GPC5: variants seen among roughly 807,000 people sequenced by gnomAD.
GPC5 encodes glypican-5.
In GPC5, 47 loss-of-function variants were observed where a neutral mutation model predicts 53.9. That is an observed-to-expected ratio of 0.87 (90% CI 0.69 to 1.11). The LOEUF (loss-of-function observed/expected upper bound fraction) is 1.11. Among genes scored for constraint, GPC5 ranks in the 50% most tolerant of loss-of-function variants. The pLI, the probability that GPC5 is intolerant of heterozygous loss-of-function variation, is 0.00. For missense variants in GPC5, 748 were observed against 713.1 expected (o/e 1.05, Z -0.56); for synonymous variants, 286 against 263.3 (o/e 1.09, Z -0.84).
intron 6 of GPC5, among the ~76,000 whole-genome samples, chr13:91,997,466 G>A (rs1269078612): frequency 6.6e-6 from 1 of 151,986 alleles, no homozygotes; most frequent in African/African-American, 2.4e-5. Context: ...TGTTAAATGT[G>A]GTACAGATAT....
At chr13:92,627,621 T>G (rs1444220561) in intron 7 of GPC5, among the ~76,000 whole-genome samples, 4 of 152,212 alleles carry the variant, frequency 2.6e-5, no homozygotes, top group Admixed American at 2.0e-4. Flanking sequence ...AAAACCTCCA[T>G]GAGCAGTCCA....
At chr13:92,267,223 A>G (rs1426857546) in intron 7 of GPC5, among the ~76,000 whole-genome samples, 1 of 151,730 alleles carries the variant, frequency 6.6e-6, no homozygotes, top group Non-Finnish European at 1.5e-5. Flanking sequence ...CTATTATTTT[A>G]CCTCCCTAGT....
intron 7 of GPC5, among the ~76,000 whole-genome samples, chr13:92,439,515 G>T (rs527928897): frequency 7.2e-4 from 110 of 152,156 alleles, no homozygotes; most frequent in Non-Finnish European, 1.4e-3. Flanking sequence ...AAGAGTTGGA[G>T]GAACATTCCA....
At chr13:91,798,404 A>G (rs145993369) in intron 5 of GPC5, among the ~76,000 whole-genome samples, 1 of 152,168 alleles carries the variant, frequency 6.6e-6, no homozygotes, top group East Asian at 1.9e-4. Flanking sequence ...ATGTGTTCTC[A>G]TCATTCAGCT....
chr13:92,544,087 G>A (rs1314426590), intron 7 of GPC5, among the ~76,000 whole-genome samples: 1 of 151,880 alleles, frequency 6.6e-6, no homozygotes, highest in Non-Finnish European at 1.5e-5. Flanking sequence ...TGGTCATATT[G>A]ACTAATATAA....
At chr13:91,476,883 A>G (rs565835979) in intron 2 of GPC5, among the ~76,000 whole-genome samples, 2 of 152,206 alleles carry the variant, frequency 1.3e-5, no homozygotes, top group Non-Finnish European at 2.9e-5. Flanking sequence ...GAAAGTGAAG[A>G]AATTGGCTGA....
At chr13:91,950,698 T>C (rs2040018898) in intron 6 of GPC5, among the ~76,000 whole-genome samples, 2 of 152,238 alleles carry the variant, frequency 1.3e-5, no homozygotes, top group South Asian at 4.1e-4. Flanking sequence ...TGCTGTATAC[T>C]CTGCGCTTTC....
intron 6 of GPC5, among the ~76,000 whole-genome samples, chr13:92,063,928 A>G (rs1000660053): frequency 2.0e-5 from 3 of 152,152 alleles, no homozygotes; most frequent in African/African-American, 7.2e-5. Flanking sequence ...TGTTTTTATT[A>G]TTTACAAGTG....
At chr13:92,136,413 C>T (rs2041785035) in intron 6 of GPC5, among the ~76,000 whole-genome samples, 1 of 152,194 alleles carries the variant, frequency 6.6e-6, no homozygotes, top group South Asian at 2.1e-4. Context: ...TTATCAATCA[C>T]AAAATAAAAA....
At chr13:91,559,553 T>G (rs1419191299) in intron 2 of GPC5, among the ~76,000 whole-genome samples, 1 of 152,168 alleles carries the variant, frequency 6.6e-6, no homozygotes, top group Non-Finnish European at 1.5e-5. Flanking sequence ...TGTTTGAAAG[T>G]TAGGTTACTA....
intron 7 of GPC5, among the ~76,000 whole-genome samples, chr13:92,248,894 G>A (rs1355685575): frequency 6.6e-6 from 1 of 151,988 alleles, no homozygotes; most frequent in African/African-American, 2.4e-5. Flanking sequence ...TTTACATTTA[G>A]TAAAAGTAAA....
chr13:92,617,359 A>G (rs1386115836), intron 7 of GPC5, among the ~76,000 whole-genome samples: 1 of 152,132 alleles, frequency 6.6e-6, no homozygotes, highest in African/African-American at 2.4e-5. Flanking sequence ...TCTTCTTTCC[A>G]TTCTGAATCT....
intron 7 of GPC5, among the ~76,000 whole-genome samples, chr13:92,543,980 T>A (rs1487645943): frequency 4.0e-5 from 6 of 150,128 alleles, no homozygotes; most frequent in Non-Finnish European, 8.9e-5. Flanking sequence ...TGCTTGTTGT[T>A]TTTTTTTTAA....
At chr13:91,881,813 C>T (rs1407848113) in intron 5 of GPC5, among the ~76,000 whole-genome samples, 1 of 152,070 alleles carries the variant, frequency 6.6e-6, no homozygotes, top group Non-Finnish European at 1.5e-5. Context: ...CTGTTGATAC[C>T]TCACATGAAA....
At chr13:92,593,170 G>A (rs1883767854) in intron 7 of GPC5, among the ~76,000 whole-genome samples, 1 of 151,030 alleles carries the variant, frequency 6.6e-6, no homozygotes, top group Admixed American at 6.6e-5. Flanking sequence ...TTAAGTTTTT[G>A]AACCATCTCT....
At chr13:92,756,091 G>A (rs942130377) in intron 7 of GPC5, among the ~76,000 whole-genome samples, 327 of 151,856 alleles carry the variant, frequency 2.2e-3, no homozygotes, top group African/African-American at 7.4e-3. Context: ...ATAAAATACT[G>A]GCAAAACGAA....
At chr13:92,732,607 G>T (rs987729400) in intron 7 of GPC5, among the ~76,000 whole-genome samples, 2 of 151,490 alleles carry the variant, frequency 1.3e-5, no homozygotes, top group Non-Finnish European at 3.0e-5. Flanking sequence ...GCAAATGAAA[G>T]AAAACAAACA....
At chr13:91,788,803 T>G (rs1249035890) in intron 5 of GPC5, among the ~76,000 whole-genome samples, 1 of 152,218 alleles carries the variant, frequency 6.6e-6, no homozygotes, top group Non-Finnish European at 1.5e-5. Flanking sequence ...TGGTAACACT[T>G]AAATATTCAA....
chr13:92,691,594 A>G (rs567586988), intron 7 of GPC5, among the ~76,000 whole-genome samples: 2 of 152,244 alleles, frequency 1.3e-5, no homozygotes, highest in South Asian at 2.1e-4. Context: ...TCCTCCCTCA[A>G]TTATGCTCAT....
Sources: gnomAD v4.1 joint callset for allele counts (sites outside exome capture counted in the v4.1 genomes callset) on GRCh38, gnomAD v4.1.1 for gene constraint, MANE v1.5 for transcripts, NCBI Gene and HGNC (gene_info 2026-07-23, HGNC 2026-07-21) for gene names.